The following ZNG1E variants were observed in gnomAD, a reference collection of about 807,000 sequenced individuals.
ZNG1E encodes zinc-regulated GTPase metalloprotein activator 1E.
At chr9:65,684,552 A>ACACGCACGCG in the ZNG1E span, among the ~76,000 whole-genome samples, 6 of 37,304 alleles carry the variant, frequency 1.6e-4, no homozygotes, top group African/African-American at 3.4e-4. Context: ...ACACGCACGC[A>ACACGCACGCG]CACACACACA....
chr9:65,691,402 T>C, the ZNG1E span, among the ~76,000 whole-genome samples: 1 of 151,898 alleles, frequency 6.6e-6, no homozygotes, highest in South Asian at 2.1e-4. Context: ...TTTAGTAAAA[T>C]CTTTATGGTT....
the ZNG1E span, among the ~76,000 whole-genome samples, chr9:65,727,097 A>T: frequency 6.6e-3 from 893 of 135,300 alleles, no homozygotes; most frequent in African/African-American, 0.025. Flanking sequence ...AGCCTCCTCA[A>T]ACAAAACAAT....
chr9:65,666,249 A>C, the ZNG1E span, among the ~76,000 whole-genome samples: 1 of 150,492 alleles, frequency 6.6e-6, no homozygotes, highest in Non-Finnish European at 1.5e-5. Flanking sequence ...GGTGGGAGGT[A>C]ACTGAATCAT....
the ZNG1E span, among the ~76,000 whole-genome samples, chr9:65,710,422 C>T: frequency 6.7e-6 from 1 of 149,214 alleles, no homozygotes; most frequent in African/African-American, 2.5e-5. Flanking sequence ...GACATGAAGT[C>T]CTTGCCCATG....
the ZNG1E span, among the ~76,000 whole-genome samples, chr9:65,659,057 A>G: frequency 6.6e-6 from 1 of 152,192 alleles, no homozygotes; most frequent in Non-Finnish European, 1.5e-5. Context: ...GCCTACAAAA[A>G]CTGGAAACAA....
At chr9:65,681,281 A>G in the ZNG1E span, among the ~76,000 whole-genome samples, 1 of 152,210 alleles carries the variant, frequency 6.6e-6, no homozygotes, top group African/African-American at 2.4e-5. Context: ...GGACAAGAAA[A>G]AAATGCCTTC....
the ZNG1E span, among the ~76,000 whole-genome samples, chr9:65,666,845 A>C: frequency 6.6e-6 from 1 of 151,980 alleles, no homozygotes; most frequent in Non-Finnish European, 1.5e-5. Flanking sequence ...TTGGAGATGG[A>C]GTTTCTCTGT....
the ZNG1E span, among the ~76,000 whole-genome samples, chr9:65,664,157 T>C: frequency 3.9e-5 from 6 of 152,002 alleles, no homozygotes; most frequent in African/African-American, 1.4e-4. Context: ...CATATTTACA[T>C]ATGTAATACT....
chr9:65,694,540 C>T, the ZNG1E span, among the ~76,000 whole-genome samples: 1 of 152,148 alleles, frequency 6.6e-6, no homozygotes, highest in Non-Finnish European at 1.5e-5. Context: ...TATACCTACA[C>T]GAAACTGACA....
the ZNG1E span, among the ~76,000 whole-genome samples, chr9:65,721,318 T>TG: frequency 7.1e-6 from 1 of 141,172 alleles, no homozygotes; most frequent in Non-Finnish European, 1.5e-5. Flanking sequence ...AATGAAAAGC[T>TG]GTGTTTCTCA....
chr9:65,700,938 T>A, the ZNG1E span: 1 of 145,200 alleles, frequency 6.9e-6, no homozygotes, highest in African/African-American at 2.8e-5. Context: ...CTGATCAGCA[T>A]AGGACAATCA....
chr9:65,656,670 G>T, the ZNG1E span, among the ~76,000 whole-genome samples: 2 of 152,290 alleles, frequency 1.3e-5, no homozygotes, highest in Admixed American at 6.5e-5. Flanking sequence ...ACTTCCTGGA[G>T]AACATTTGGC....
chr9:65,709,806 T>G, the ZNG1E span, among the ~76,000 whole-genome samples: 1 of 143,414 alleles, frequency 7.0e-6, no homozygotes. Context: ...AATGCCGCAA[T>G]AAACATACGT....
the ZNG1E span, among the ~76,000 whole-genome samples, chr9:65,678,132 C>A: frequency 6.6e-6 from 1 of 151,116 alleles, no homozygotes; most frequent in Non-Finnish European, 1.5e-5. Context: ...TTAAAAAGCC[C>A]TAGTAAATCT....
At chr9:65,710,571 AC>A in the ZNG1E span, among the ~76,000 whole-genome samples, 1 of 149,712 alleles carries the variant, frequency 6.7e-6, no homozygotes, top group Non-Finnish European at 1.5e-5. Context: ...CTTTCTACAT[AC>A]GGCTAGCCAG....
the ZNG1E span, chr9:65,701,337 AAATT>A: frequency 3.3e-5 from 5 of 151,684 alleles, no homozygotes; most frequent in Admixed American, 2.6e-4. Context: ...TGGAAGAAAG[AAATT>A]CACATTTTTT....
chr9:65,687,831 C>T, the ZNG1E span, among the ~76,000 whole-genome samples: 13,909 of 113,012 alleles, frequency 0.12, 4 homozygotes, highest in Middle Eastern at 0.25. Flanking sequence ...TGAGAGTTTT[C>T]TTCTTTATTT....
chr9:65,684,135 A>C, the ZNG1E span, among the ~76,000 whole-genome samples: 3 of 152,150 alleles, frequency 2.0e-5, no homozygotes, highest in Admixed American at 6.6e-5. Context: ...TTTCTTTACA[A>C]TAAAGATTTT....
At chr9:65,691,719 A>T in the ZNG1E span, among the ~76,000 whole-genome samples, 1 of 152,134 alleles carries the variant, frequency 6.6e-6, no homozygotes, top group African/African-American at 2.4e-5. Flanking sequence ...TCTCTTGAAG[A>T]TAAGAATTAA....
Sources: gnomAD v4.1 joint callset for allele counts (sites outside exome capture counted in the v4.1 genomes callset) on GRCh38, gnomAD v4.1.1 for gene constraint, MANE v1.5 for transcripts, NCBI Gene and HGNC (gene_info 2026-07-23, HGNC 2026-07-21) for gene names.